The following TTC3 variants were observed in gnomAD, a reference collection of about 807,000 sequenced individuals.
The protein encoded by TTC3 is E3 ubiquitin-protein ligase TTC3.
TTC3 carries 180 observed loss-of-function variants against 249.6 expected under a neutral mutation model. That is an observed-to-expected ratio of 0.72 (90% CI 0.64 to 0.82). The LOEUF is 0.82. TTC3 is among the 40% of genes least tolerant of loss of function. The probability of loss-of-function intolerance (pLI) is 0.00; values close to 1 mark genes in which losing one functional copy is unlikely to be tolerated. For synonymous variants in TTC3, 717 were observed against 805.0 expected (o/e 0.89, Z 1.85); for missense variants, 2,061 against 2,398.4 (o/e 0.86, Z 2.94).
At chr21:37,102,331 G>C (rs1158387139) in intron 10 of TTC3, among the ~76,000 whole-genome samples, 1 of 151,858 alleles carries the variant, frequency 6.6e-6, no homozygotes, top group Non-Finnish European at 1.5e-5. Flanking sequence ...TTATAATTGA[G>C]GAAAAAAGGA....
chr21:37,117,081 A>G (rs1276002038), intron 11 of TTC3, among the ~76,000 whole-genome samples: 1 of 152,204 alleles, frequency 6.6e-6, no homozygotes, highest in Non-Finnish European at 1.5e-5. Context: ...ACATGATTAA[A>G]GAGAAAAATA....
chr21:37,181,403 T>G (rs1454369767), intron 35 of TTC3, among the ~76,000 whole-genome samples: 1 of 152,206 alleles, frequency 6.6e-6, no homozygotes, highest in Non-Finnish European at 1.5e-5. Flanking sequence ...TTGGCTTGGC[T>G]GCCAGCAGCA....
chr21:37,103,830 G>T (rs923550510), intron 10 of TTC3, among the ~76,000 whole-genome samples: 5 of 151,974 alleles, frequency 3.3e-5, no homozygotes, highest in African/African-American at 1.2e-4. Flanking sequence ...CAGAGGAGAG[G>T]GTAGTATGTT....
intron 11 of TTC3, among the ~76,000 whole-genome samples, chr21:37,114,780 C>G (rs952131225): frequency 6.6e-6 from 1 of 152,124 alleles, no homozygotes; most frequent in African/African-American, 2.4e-5. Flanking sequence ...TTGGAACCAA[C>G]CCACATGTCC....
At chr21:37,199,463 G>A (rs954543112) in intron 44 of TTC3, among the ~76,000 whole-genome samples, 3 of 152,314 alleles carry the variant, frequency 2.0e-5, no homozygotes, top group Admixed American at 6.5e-5. Context: ...CTCTCACATC[G>A]AAAGCACTGT....
intron 10 of TTC3, among the ~76,000 whole-genome samples, chr21:37,102,184 G>A (rs1184327319): frequency 3.3e-5 from 5 of 152,036 alleles, no homozygotes; most frequent in Non-Finnish European, 5.9e-5. Context: ...TATTCAGTCC[G>A]TGGTTATTAC....
At position 37,195,834 on chromosome 21, in the gene TTC3, G is replaced by C. The variant is rs751999179; in HGVS notation, c.5377G>C (p.Gly1793Arg). ...GGAGGCTCCTTCTGCGCTGTTGCCAGGGCCACCCCCTGGTCAGCCTGAAGC... is the reference window on the plus strand; with the variant it reads ...GGAGGCTCCTTCTGCGCTGTTGCCACGGCCACCCCCTGGTCAGCCTGAAGC... Residue 1793 changes from glycine to arginine, a missense_variant, in exon 42 of 46, where the codon GGG becomes CGG. Coordinates refer to ENST00000355666, the Ensembl canonical transcript of TTC3. 53 of 1,614,124 alleles carry C rather than the reference G, an allele frequency of 3.3e-5. 1 individual carries two copies. The South Asian group carries it at 5.7e-4, about 17-fold the overall frequency.
intron 39 of TTC3, among the ~76,000 whole-genome samples, chr21:37,189,452 G>A (rs1477805716): frequency 6.6e-6 from 1 of 152,080 alleles, no homozygotes; most frequent in East Asian, 1.9e-4. Context: ...CACCATGTTA[G>A]CCAGGATGGT....
chr21:37,143,015 A>G (rs994344561), intron 20 of TTC3, among the ~76,000 whole-genome samples: 1 of 152,212 alleles, frequency 6.6e-6, no homozygotes, highest in African/African-American at 2.4e-5. Flanking sequence ...CTATTCAACA[A>G]ATGGTGCTGG....
chr21:37,106,346 C>T (rs1252423479), intron 10 of TTC3, among the ~76,000 whole-genome samples: 1 of 152,166 alleles, frequency 6.6e-6, no homozygotes, highest in Non-Finnish European at 1.5e-5. Context: ...AATATCTTCT[C>T]ACATTCAGTG....
At chr21:37,142,168 G>A (rs779996455) in intron 20 of TTC3, among the ~76,000 whole-genome samples, 17 of 152,164 alleles carry the variant, frequency 1.1e-4, no homozygotes, top group Admixed American at 2.0e-4. Flanking sequence ...AAAACTGGAA[G>A]CATTTCCTTT....
chr21:37,185,716 A>G (rs759656931), exon 37 of TTC3: 2 of 1,549,464 alleles, frequency 1.3e-6, no homozygotes, highest in South Asian at 1.3e-5. Flanking sequence ...GTATACCCAG[A>G]AAAATGATGG....
intron 35 of TTC3, among the ~76,000 whole-genome samples, chr21:37,180,057 CTCT>C (rs2082616363): frequency 6.6e-6 from 1 of 152,166 alleles, no homozygotes; most frequent in Non-Finnish European, 1.5e-5. Flanking sequence ...CTTGAATGTT[CTCT>C]TAAGTGTCAG....
chr21:37,172,737 A>G (rs2081914514), exon 35 of TTC3: 1 of 1,613,878 alleles, frequency 6.2e-7, no homozygotes, highest in Non-Finnish European at 8.5e-7. Flanking sequence ...CACTTAGAAG[A>G]AAACAAGGTA....
intron 1 of TTC3, chr21:37,086,098 T>A (rs1240033815): frequency 6.6e-6 from 1 of 152,258 alleles, no homozygotes; most frequent in Non-Finnish European, 1.5e-5. Context: ...AATAGTTTGC[T>A]AGGAAGATTG....
chr21:37,200,411 C>A, intron 45 of TTC3, 87 bp downstream of exon 45: 1 of 1,396,632 alleles, frequency 7.2e-7, no homozygotes, highest in Non-Finnish European at 1.0e-6. Flanking sequence ...TTCTAGTCAT[C>A]AGTATTTATT....
intron 39 of TTC3, among the ~76,000 whole-genome samples, chr21:37,189,981 A>G (rs1398311692): frequency 6.6e-6 from 1 of 151,842 alleles, no homozygotes; most frequent in Non-Finnish European, 1.5e-5. Context: ...GAGTCCTTTT[A>G]CCATGTTCTA....
intron 1 of TTC3, chr21:37,082,665 T>G (rs2071858897): frequency 2.0e-6 from 2 of 985,254 alleles, no homozygotes; most frequent in African/African-American, 1.7e-5. Flanking sequence ...AGAGGGTGCC[T>G]TCACATGTTC....
chr21:37,142,933 A>G (rs1053197204), intron 20 of TTC3, among the ~76,000 whole-genome samples: 2 of 152,234 alleles, frequency 1.3e-5, no homozygotes, highest in African/African-American at 4.8e-5. Flanking sequence ...GCCCTCAGAA[A>G]TAATACCACA....
Sources: allele counts gnomAD v4.1 joint callset (sites outside exome capture counted in the v4.1 genomes callset), GRCh38; gene constraint gnomAD v4.1.1; transcripts MANE v1.5; gene names NCBI Gene and HGNC (gene_info 2026-07-23, HGNC 2026-07-21).